Variants in KLF17 observed in about 807,000 individuals in gnomAD.
The protein encoded by KLF17 is Krueppel-like factor 17.
Under a neutral mutation model 34.2 loss-of-function variants are expected in KLF17, and 31 were observed. That is an observed-to-expected ratio of 0.91 (90% CI 0.68 to 1.22). KLF17 has a LOEUF of 1.22. Ranked by LOEUF, KLF17 falls within the 50% of genes most tolerant of loss-of-function variation. The pLI is 0.00. For missense variants in KLF17, 478 were observed against 505.2 expected, an observed-to-expected ratio of 0.95 and a Z score of 0.52; for synonymous variants, 179 against 186.7, an observed-to-expected ratio of 0.96 and a Z score of 0.34.
chr1:44,118,836 T>TACCC lies in KLF17; in HGVS notation c.-71_-68dup. 1 of 1,189,164 alleles carries TACCC rather than the reference T, an allele frequency of 8.4e-7. No homozygotes were observed. The highest frequency in any genetic ancestry group is 1.2e-6 in the Non-Finnish European group (1 of 859,256). The allele number at this position is 1,189,164 out of a possible 1,614,324, so 73.7% of individuals were successfully genotyped here. On this transcript the variant is annotated 5_prime_UTR_variant, in exon 1 of 4. It introduces an in-frame stop codon into an upstream open reading frame of the 5' UTR. Transcript: ENST00000372299. ...TGATTGTGGCGTGGCGATGTACCGA[T>TACCC]ACCCGCCTGCGACGCCGTGGTGGCT...
chr1:44,103,039 A>G, the KLF17 span, among the ~76,000 whole-genome samples: 1 of 152,212 alleles, frequency 6.6e-6, no homozygotes, highest in African/African-American at 2.4e-5. Flanking sequence ...CATAGCAGCA[A>G]TGTTTTGTTT....
the KLF17 span, among the ~76,000 whole-genome samples, chr1:44,099,146 G>T: frequency 1.2e-3 from 178 of 151,684 alleles, no homozygotes; most frequent in African/African-American, 4.1e-3. Flanking sequence ...GCTCATACCT[G>T]TAATCCCAGC....
the KLF17 span, among the ~76,000 whole-genome samples, chr1:44,111,798 C>G: frequency 6.6e-6 from 1 of 152,122 alleles, no homozygotes; most frequent in African/African-American, 2.4e-5. Context: ...GAGGCTGAGA[C>G]AGGAGAATTG....
At chr1:44,087,989 C>A in the KLF17 span, 1 of 215,836 alleles carries the variant, frequency 4.6e-6, no homozygotes, top group South Asian at 8.3e-5. Flanking sequence ...AGACCACCAT[C>A]AAACAGAAGA....
chr1:44,127,692 T>TTCTTTCTCTTTC (rs753421834), intron 1 of KLF17, among the ~76,000 whole-genome samples: 1 of 90,136 alleles, frequency 1.1e-5, no homozygotes, highest in African/African-American at 5.5e-5. Context: ...CTTTCTTTCT[T>TTCTTTCTCTTTC]TTTCTTTCTT....
the KLF17 span, chr1:44,047,881 T>G: frequency 6.6e-6 from 1 of 152,168 alleles, no homozygotes; most frequent in South Asian, 2.1e-4. Flanking sequence ...GTGGACACTT[T>G]GTGAATTTAC....
At chr1:44,121,985 A>G (rs1235477946) in intron 1 of KLF17, among the ~76,000 whole-genome samples, 1 of 152,172 alleles carries the variant, frequency 6.6e-6, no homozygotes, top group African/African-American at 2.4e-5. Context: ...TTTTTCCTCA[A>G]TTAAATTTCC....
chr1:44,099,828 A>G, the KLF17 span, among the ~76,000 whole-genome samples: 1 of 8,192 alleles, frequency 1.2e-4, no homozygotes, highest in African/African-American at 8.9e-4. Flanking sequence ...AAGAAAAAGA[A>G]GAAAGAAAGA....
chr1:44,057,038 C>T, the KLF17 span, among the ~76,000 whole-genome samples: 1 of 152,012 alleles, frequency 6.6e-6, no homozygotes, highest in Non-Finnish European at 1.5e-5. Flanking sequence ...ATAGAACAGA[C>T]CTACTCTAGC....
At chr1:44,085,229 AG>A in the KLF17 span, among the ~76,000 whole-genome samples, 1 of 152,172 alleles carries the variant, frequency 6.6e-6, no homozygotes. Flanking sequence ...TATGTTCTAA[AG>A]GGGAAGACAG....
chr1:44,089,414 A>G, the KLF17 span, among the ~76,000 whole-genome samples: 26 of 152,338 alleles, frequency 1.7e-4, no homozygotes, highest in African/African-American at 5.5e-4. Context: ...ACTGTACATC[A>G]AAGTGTTCTA....
the KLF17 span, among the ~76,000 whole-genome samples, chr1:44,100,875 C>T: frequency 6.6e-6 from 1 of 152,100 alleles, no homozygotes; most frequent in African/African-American, 2.4e-5. Flanking sequence ...TTGTAGTATA[C>T]AGAAGTTTTA....
At chr1:44,090,798 A>G in the KLF17 span, among the ~76,000 whole-genome samples, 1 of 152,142 alleles carries the variant, frequency 6.6e-6, no homozygotes, top group Non-Finnish European at 1.5e-5. Context: ...GAAAAGAATC[A>G]AAAGGTGCTA....
chr1:44,071,660 G>A, the KLF17 span, among the ~76,000 whole-genome samples: 4 of 152,210 alleles, frequency 2.6e-5, no homozygotes, highest in East Asian at 7.7e-4. Context: ...CCTAGTCACT[G>A]CTACAATTGG....
In KLF17 at chr1:44,135,013, T is replaced by G. The variant is rs190797399; in HGVS notation, c.*1776T>G. ...AATTTAATAATAAATGCACTCATGT[T>G]AGGAAGGTCAAAAAAAAGGAAAAAA... On this transcript the variant is annotated 3_prime_UTR_variant, in exon 4 of 4. Coordinates refer to ENST00000372299, the MANE Select transcript of KLF17 (RefSeq NM_173484.4). 6.6e-6 allele frequency: 1 copy of G among 152,172 alleles called. No individual in the cohort carries two copies. Among genetic ancestry groups the G allele is most frequent in the African/African-American group, 2.4e-5 (1 of 41,522 alleles). 9.4% of individuals were successfully genotyped at this position (152,172 alleles called of 1,614,324 possible). A position where few individuals can be genotyped will look rare whatever the true frequency, so the allele number is the denominator to read the frequency against.
At chr1:44,099,066 A>G in the KLF17 span, among the ~76,000 whole-genome samples, 1 of 152,102 alleles carries the variant, frequency 6.6e-6, no homozygotes, top group Non-Finnish European at 1.5e-5. Context: ...CAAAGTGCAA[A>G]AGAGTATCTA....
chr1:44,068,007 G>A, the KLF17 span, among the ~76,000 whole-genome samples: 1 of 151,112 alleles, frequency 6.6e-6, no homozygotes, highest in Non-Finnish European at 1.5e-5. Flanking sequence ...GACAGGAGAA[G>A]CCCTTTCCTC....
chr1:44,064,295 A>ATACAG, the KLF17 span, among the ~76,000 whole-genome samples: 1 of 152,236 alleles, frequency 6.6e-6, no homozygotes, highest in South Asian at 2.1e-4. Flanking sequence ...ATAATAATTA[A>ATACAG]TACAGAAAGT....
the KLF17 span, among the ~76,000 whole-genome samples, chr1:44,105,260 T>C: frequency 3.3e-5 from 5 of 152,176 alleles, no homozygotes; most frequent in African/African-American, 1.2e-4. Flanking sequence ...AAGTCTCGTA[T>C]GGATGAAGGG....
Sources: allele counts gnomAD v4.1 joint callset (sites outside exome capture counted in the v4.1 genomes callset), GRCh38; gene constraint gnomAD v4.1.1; transcripts MANE v1.5; gene names NCBI Gene and HGNC (gene_info 2026-07-23, HGNC 2026-07-21).